The following HSPA8 variants were observed in gnomAD, a reference collection of about 807,000 sequenced individuals.
HSPA8 encodes the protein heat shock protein family A (Hsp70) member 8.
Under a neutral mutation model 52.8 loss-of-function variants are expected in HSPA8, and 2 were observed. The ratio of observed to expected loss-of-function variants is 0.04; its 90% CI spans 0.02 to 0.12. The LOEUF is 0.12. Ranked by LOEUF, HSPA8 falls within the 10% of genes least tolerant of loss-of-function variation. The pLI is 1.00. For missense variants in HSPA8, 349 were observed against 800.5 expected, an observed-to-expected ratio of 0.44 and a Z score of 6.81; for synonymous variants, 436 against 274.0, an observed-to-expected ratio of 1.59 and a Z score of -5.84.
In HSPA8 at chr11:123,058,625, T is replaced by A; in HGVS notation, c.1522+7A>T. The A allele has an allele frequency of 6.2e-7, 1 of 1,609,374 alleles. No individual in the cohort carries two copies. The highest frequency in any genetic ancestry group is 1.1e-5 in the South Asian group (1 of 91,008). On this transcript the variant is annotated splice_region_variant and intron_variant, in intron 7 of 8. Coordinates refer to ENST00000534624, the MANE Select transcript of HSPA8 (RefSeq NM_006597.6). ...CCTGTCAAGACCAGATGACAGTGCC[T>A]CCTTACCCTTGTCATTAGTGATAGT...
chr11:123,061,665 C>T lies in HSPA8; in HGVS notation c.-5-336G>A, dbSNP rs1166400144. ...GGAGTCAACGGGCTTTTAACTACTC[C>T]GGAATGTACCCCCATACTGGAAGCA... On this transcript the variant is annotated intron_variant, in intron 1 of 8. Coordinates refer to ENST00000534624, the MANE Select transcript of HSPA8 (RefSeq NM_006597.6). 2.2e-5 allele frequency: 8 copies of T among 363,216 alleles called. No homozygotes were observed. In the East Asian group the frequency reaches 3.8e-4, roughly 17 times the overall value. 22.5% of individuals were successfully genotyped at this position (363,216 alleles called of 1,614,324 possible).
chr11:123,062,313 C>G (rs963696321), upstream of HSPA8: 1 of 152,684 alleles, frequency 6.5e-6, no homozygotes, highest in African/African-American at 2.4e-5. Flanking sequence ...CCGCACCCAC[C>G]CCACCGCGCT....
intron 1 of HSPA8, 40 bp downstream of exon 1, chr11:123,062,024 C>A (rs146867887): frequency 0.011 from 1,609 of 153,202 alleles, 19 homozygotes; most frequent in Admixed American, 0.016. Flanking sequence ...AGGCTGCACG[C>A]TCCCAGACCC....
Position 123,060,176 on chromosome 11 carries a change from A to T in HSPA8, c.504T>A (p.Asn168Lys). 1 of 1,614,026 alleles carries T rather than the reference A, an allele frequency of 6.2e-7. No individual in the cohort carries two copies. Among genetic ancestry groups the T allele is most frequent in the Non-Finnish European group, 8.5e-7 (1 of 1,180,004 alleles). The change falls in exon 4 of 9, where the codon AAT becomes AAA. Residue 168 changes from asparagine (N) to lysine (K), a missense_variant. By Grantham distance (94) the Asn-to-Lys change is moderately conservative. Transcript: ENST00000534624. Reference protein sequence around the residue: ...TKDAGTIAGLNVLRIINEPTA... With the variant: ...TKDAGTIAGLKVLRIINEPTA... ...TTGGCTCATTAATAATTCTAAGTACATTGAGACCAGCAATAGTTCCAGCAT... is the reference window on the plus strand; with the variant it reads ...TTGGCTCATTAATAATTCTAAGTACTTTGAGACCAGCAATAGTTCCAGCAT...
intron 8 of HSPA8, 93 bp downstream of exon 8, chr11:123,058,159 T>C: frequency 1.2e-6 from 1 of 865,398 alleles, no homozygotes; most frequent in Non-Finnish European, 1.8e-6. Context: ...TTCATCATTG[T>C]GACCCTACAC....
intron 3 of HSPA8, 40 bp from the exon 4 acceptor site, chr11:123,060,308 A>T: frequency 6.3e-7 from 1 of 1,585,400 alleles, no homozygotes; most frequent in Non-Finnish European, 8.6e-7. Flanking sequence ...TAACTATTAT[A>T]CTTACATATA....
chr11:123,059,328 C>CT lies in HSPA8; in HGVS notation c.1121-68dup, dbSNP rs1448813463. 9 of 1,431,170 alleles carry CT rather than the reference C, an allele frequency of 6.3e-6. No homozygotes were observed. The African/African-American group carries it at 9.9e-5, about 16-fold the overall frequency. 88.7% of individuals were successfully genotyped at this position (1,431,170 alleles called of 1,614,324 possible). Reference sequence around the variant, plus strand: ...ACCCAGTACATAGCTCCTGTTTTAACTATCACTCGCTCAGACATCCAAGGA... The same window carrying CT: ...ACCCAGTACATAGCTCCTGTTTTAACTTATCACTCGCTCAGACATCCAAGGA... On this transcript the variant is annotated intron_variant, in intron 5 of 8. Coordinates refer to ENST00000534624, the MANE Select transcript of HSPA8 (RefSeq NM_006597.6).
chr11:123,058,063 C>T lies in HSPA8; in HGVS notation c.1756-144G>A, dbSNP rs1354065365. ...ACATTAAAATAGGGCCTTATTCTTC[C>T]TTAACATCTTGGGTCACTCAGACAT... is the stretch of plus-strand genomic sequence containing the variant. On this transcript the variant is annotated intron_variant, in intron 8 of 8. Coordinates refer to ENST00000534624, the MANE Select transcript of HSPA8 (RefSeq NM_006597.6). 5 of 740,880 alleles carry T rather than the reference C, an allele frequency of 6.7e-6. No individual in the cohort carries two copies. In the African/African-American group the frequency reaches 8.9e-5, roughly 13 times the overall value. 45.9% of individuals were successfully genotyped at this position (740,880 alleles called of 1,614,324 possible).
At chr11:123,060,994 A>T in intron 2 of HSPA8, 126 bp downstream of exon 2, 1 of 937,538 alleles carries the variant, frequency 1.1e-6, no homozygotes, top group Non-Finnish European at 1.6e-6. Flanking sequence ...GTTTTATAAC[A>T]GACTTGATAA....
At chr11:123,061,092 G>GAT (rs1565369597) in intron 2 of HSPA8, 28 bp downstream of exon 2, 1 of 1,586,408 alleles carries the variant, frequency 6.3e-7, no homozygotes, top group Non-Finnish European at 8.7e-7. Flanking sequence ...TGTTATATTT[G>GAT]TTCTGTCATT....
chr11:123,058,025 A>AG, intron 8 of HSPA8, 106 bp from the exon 9 acceptor site: 1 of 887,602 alleles, frequency 1.1e-6, no homozygotes. Context: ...CTCTTACAAG[A>AG]GGGCCACTAC....
rs182718582 is a variant in HSPA8 at position 123,057,626 on chromosome 11, T to G, written c.*108A>C. On this transcript the variant is annotated 3_prime_UTR_variant, in exon 9 of 9. Coordinates refer to ENST00000534624, the MANE Select transcript of HSPA8 (RefSeq NM_006597.6). ...TCAAGTATTGAGAATGCCCAGTAAC[T>G]TACTATAGCAGCTTAACTTTTTAAA... The G allele has an allele frequency of 1.3e-6, 1 of 791,702 alleles. No homozygotes were observed. Among genetic ancestry groups the G allele is most frequent in the African/African-American group, 1.7e-5 (1 of 57,174 alleles). The allele number at this position is 791,702 out of a possible 1,614,324, so 49.0% of individuals were successfully genotyped here.
At chr11:123,058,017 C>CTT in intron 8 of HSPA8, 98 bp from the exon 9 acceptor site, 11 of 980,490 alleles carry the variant, frequency 1.1e-5, no homozygotes, top group Non-Finnish European at 1.7e-5. Context: ...GGCGCAAACT[C>CTT]TTACAAGAGG....
intron 1 of HSPA8, 105 bp from the exon 2 acceptor site, chr11:123,061,434 G>A (rs1025624159): frequency 2.4e-6 from 2 of 843,954 alleles, no homozygotes; most frequent in African/African-American, 1.7e-5. Context: ...ACTGCCAAGA[G>A]GTAATAGTGC....
intron 3 of HSPA8, 47 bp downstream of exon 3, chr11:123,060,546 C>CTT (rs1865466101): frequency 7.0e-7 from 1 of 1,429,776 alleles, no homozygotes; most frequent in Non-Finnish European, 9.9e-7. Context: ...AGTCATCGGG[C>CTT]TTTTAACTAC....
intron 3 of HSPA8, 97 bp downstream of exon 3, chr11:123,060,496 C>T (rs746102365): frequency 1.2e-4 from 123 of 1,017,708 alleles, no homozygotes; most frequent in Non-Finnish European, 1.6e-4. Context: ...AGCTGAGCCC[C>T]ATCTGTTCCC....
chr11:123,058,958 G>T (rs1865404146), intron 6 of HSPA8, 101 bp downstream of exon 6: 2 of 1,399,934 alleles, frequency 1.4e-6, no homozygotes, highest in Non-Finnish European at 2.0e-6. Context: ...CTTTCTGGTG[G>T]AAACTACGAA....
intron 5 of HSPA8, 78 bp downstream of exon 5, chr11:123,059,395 A>T: frequency 2.8e-6 from 4 of 1,405,132 alleles, no homozygotes; most frequent in Non-Finnish European, 3.9e-6. Context: ...GGAAACTACG[A>T]ATGTTTAACA....
intron 2 of HSPA8, 42 bp downstream of exon 2, chr11:123,061,078 G>C (rs550092655): frequency 3.9e-6 from 6 of 1,537,912 alleles, no homozygotes; most frequent in South Asian, 1.1e-5. Context: ...GTGCTTCCTA[G>C]CCCTGTTATA....
Sources: gnomAD v4.1 joint callset for allele counts on GRCh38, gnomAD v4.1.1 for gene constraint, MANE v1.5 for transcripts, NCBI Gene and HGNC (gene_info 2026-07-23, HGNC 2026-07-21) for gene names.